The following FAM120C variants were observed in gnomAD, a reference collection of about 807,000 sequenced individuals.
FAM120C encodes the protein constitutive coactivator of PPAR-gamma-like protein 2.
Under a neutral mutation model 71.2 loss-of-function variants are expected in FAM120C, and 14 were observed. That is an observed-to-expected ratio of 0.20 (90% CI 0.13 to 0.31). The LOEUF is 0.31. Among genes scored for constraint, FAM120C ranks in the 10% least tolerant of loss-of-function variants. The pLI is 1.00. For missense variants in FAM120C, 500 were observed against 879.0 expected (o/e 0.57, Z 5.45); for synonymous variants, 354 against 353.2 (o/e 1.00, Z -0.03).
intron 4 of FAM120C, among the ~76,000 whole-genome samples, chrX:54,136,869 AC>A (rs2067097117): frequency 9.0e-6 from 1 of 110,774 alleles, no homozygotes; most frequent in African/African-American, 3.3e-5. Flanking sequence ...ACATAGTACC[AC>A]CATCCAAATA....
chrX:54,097,919 G>A (rs182403165), intron 10 of FAM120C, among the ~76,000 whole-genome samples: 1,466 of 110,824 alleles, frequency 0.013, 22 homozygotes, highest in African/African-American at 0.044. Flanking sequence ...GTAGAGACGG[G>A]GTTTGACCGT....
intron 13 of FAM120C, among the ~76,000 whole-genome samples, chrX:54,083,327 C>G (rs1169227423): frequency 9.2e-6 from 1 of 109,041 alleles, no homozygotes; most frequent in African/African-American, 3.3e-5. Flanking sequence ...TTAGGCCAGG[C>G]ATGGTGGCTC....
intron 15 of FAM120C, among the ~76,000 whole-genome samples, chrX:54,078,093 G>A (rs1457820387): frequency 1.9e-5 from 2 of 104,052 alleles, no homozygotes; most frequent in Non-Finnish European, 3.9e-5. Context: ...ACAGGCGCCC[G>A]CTACCACGCC....
chrX:54,126,914 A>G (rs2067030357), intron 9 of FAM120C, among the ~76,000 whole-genome samples: 1 of 112,828 alleles, frequency 8.9e-6, no homozygotes, highest in Non-Finnish European at 1.9e-5. Flanking sequence ...ACAAAGTACC[A>G]TAGACTGGGA....
At chrX:54,175,689 CAATAT>C (rs1239552521) in intron 1 of FAM120C, among the ~76,000 whole-genome samples, 1 of 110,619 alleles carries the variant, frequency 9.0e-6, no homozygotes, top group African/African-American at 3.3e-5. Context: ...ATATTTTAGT[CAATAT>C]AATAGTAGCT....
At chrX:54,104,318 G>T (rs2066895669) in intron 10 of FAM120C, among the ~76,000 whole-genome samples, 1 of 111,553 alleles carries the variant, frequency 9.0e-6, no homozygotes, top group Non-Finnish European at 1.9e-5. Context: ...CCTACAGTTT[G>T]TGTAAGAAAT....
At chrX:54,127,076 G>A (rs1204943284) in intron 9 of FAM120C, among the ~76,000 whole-genome samples, 2 of 111,431 alleles carry the variant, frequency 1.8e-5, no homozygotes, top group Non-Finnish European at 3.8e-5. Flanking sequence ...AGAGTAGAAA[G>A]AGCTATCTGG....
At position 54,146,509 on chromosome X, in the gene FAM120C, T is replaced by C. The variant is rs1464867490; in HGVS notation, c.1158+4736A>G. On this transcript the variant is annotated intron_variant, in intron 4 of 15. Coordinates refer to ENST00000375180, the MANE Select transcript of FAM120C (RefSeq NM_017848.6). ...CAGCCTGGGTAACATAGCGGGACCT[T>C]ATCTCTACAAAAAATTTAAAAATTA... 7.3e-5 allele frequency among the ~76,000 whole-genome samples: 8 copies of C among 109,842 alleles called. No individual in the cohort carries two copies. In the South Asian group the frequency reaches 2.4e-3, roughly 32 times the overall value.
chrX:54,183,238 A>C lies in FAM120C; in HGVS notation c.-40T>G, dbSNP rs1388332761. ...CAGACGCGATAGCGGCTGCGCAAGCAGGATAGGCGACGATCTGGGCGCGAA... is the reference window on the plus strand; with the variant it reads ...CAGACGCGATAGCGGCTGCGCAAGCCGGATAGGCGACGATCTGGGCGCGAA... On this transcript the variant is annotated 5_prime_UTR_variant, in exon 1 of 16. Transcript: ENST00000375180. 3 of 832,973 alleles carry C rather than the reference A, an allele frequency of 3.6e-6. No individual in the cohort carries two copies. The highest frequency in any genetic ancestry group is 2.9e-6 in the Non-Finnish European group (2 of 678,010). 68.6% of individuals were successfully genotyped at this position (832,973 alleles called of 1,213,427 possible).
Position 54,080,295 on chromosome X carries a change from G to C in FAM120C, c.2979-6C>G. The C allele has an allele frequency of 8.3e-7, 1 of 1,200,294 alleles. No individual in the cohort carries two copies. Among genetic ancestry groups the C allele is most frequent in the South Asian group, 1.8e-5 (1 of 56,037 alleles). On this transcript the variant is annotated splice_polypyrimidine_tract_variant and splice_region_variant and intron_variant, in intron 14 of 15. Transcript: ENST00000375180. ...CAGTCTGTTCTTTTCCATGCCTTTA[G>C]CAAGTGAGAAAAAAAGTGATCATGA...
intron 10 of FAM120C, among the ~76,000 whole-genome samples, chrX:54,106,654 A>C (rs1557124897): frequency 1.8e-5 from 2 of 112,008 alleles, no homozygotes; most frequent in Non-Finnish European, 3.8e-5. Flanking sequence ...TTTGCAATCT[A>C]TCCATCTAAC....
At chrX:54,156,609 G>T (rs782706544) in intron 3 of FAM120C, among the ~76,000 whole-genome samples, 2 of 109,647 alleles carry the variant, frequency 1.8e-5, no homozygotes, top group Non-Finnish European at 3.8e-5. Flanking sequence ...CACAGTGGCC[G>T]AGTGTGGTAA....
intron 1 of FAM120C, among the ~76,000 whole-genome samples, chrX:54,163,938 AT>A (rs1211661910): frequency 2.0e-3 from 196 of 99,594 alleles, no homozygotes; most frequent in African/African-American, 2.6e-3. Flanking sequence ...ATATATATAT[AT>A]TTTTTTTTTT....
rs782257799 is a variant in FAM120C, at chrX:54,132,738, C to T, written c.2016G>A (p.Gln672=). ...GCATGGCCAAGCGTTCCATTTTCCTCTGTGTCTCTGCCAGACTAAAAAGAA... is the reference window on the plus strand; with the variant it reads ...GCATGGCCAAGCGTTCCATTTTCCTTTGTGTCTCTGCCAGACTAAAAAGAA... ...YGVLFSLAET[Q]RKMERLAMRR... is the part of the protein sequence containing the mutation. Residue 672 remains glutamine (Q), a synonymous_variant, in exon 9 of 16, where the codon CAG becomes CAA. Coordinates refer to ENST00000375180, the MANE Select transcript of FAM120C (RefSeq NM_017848.6). 38 of 1,207,021 alleles carry T rather than the reference C, an allele frequency of 3.1e-5. No individual in the cohort carries two copies. The highest frequency in any genetic ancestry group is 4.0e-5 in the Non-Finnish European group (36 of 893,977).
chrX:54,099,706 C>A (rs1457588728), intron 10 of FAM120C, among the ~76,000 whole-genome samples: 1 of 112,179 alleles, frequency 8.9e-6, no homozygotes, highest in Non-Finnish European at 1.9e-5. Context: ...TAATATCCAA[C>A]CATCTGTTGT....
chrX:54,159,998 C>T (rs1169466022), intron 1 of FAM120C, among the ~76,000 whole-genome samples: 1 of 110,376 alleles, frequency 9.1e-6, no homozygotes, highest in East Asian at 2.9e-4. Context: ...GTTTATTCCC[C>T]TGGTTTTTTT....
At chrX:54,131,043 G>A (rs1439065724) in intron 9 of FAM120C, among the ~76,000 whole-genome samples, 1 of 111,478 alleles carries the variant, frequency 9.0e-6, no homozygotes, top group Non-Finnish European at 1.9e-5. Flanking sequence ...TAATGTCCTG[G>A]GCTTTTAGTT....
chrX:54,167,671 T>C (rs1035953750), intron 1 of FAM120C, among the ~76,000 whole-genome samples: 2 of 110,292 alleles, frequency 1.8e-5, no homozygotes, highest in African/African-American at 6.6e-5. Context: ...CACCTGTTTA[T>C]AGAACTCAGG....
rs1292719423 is a variant in FAM120C at position 54,082,704 on chromosome X, C to T, written c.2840-1244G>A. Among the ~76,000 whole-genome samples the T allele has an allele frequency of 4.5e-5, 5 of 111,161 alleles. No homozygotes were observed. The Admixed American group carries it at 4.8e-4, about 11-fold the overall frequency. On this transcript the variant is annotated intron_variant, in intron 13 of 15. Coordinates refer to ENST00000375180, the MANE Select transcript of FAM120C (RefSeq NM_017848.6). ...GATTACAGGCATGAGCCACCGTGCC[C>T]GGTCCTAAACTACTTTTGATACAAA...
Sources: gnomAD v4.1 joint callset for allele counts (sites outside exome capture counted in the v4.1 genomes callset) on GRCh38, gnomAD v4.1.1 for gene constraint, MANE v1.5 for transcripts, NCBI Gene and HGNC (gene_info 2026-07-23, HGNC 2026-07-21) for gene names.